The following C6 variants were observed in gnomAD, a reference collection of about 807,000 sequenced individuals.
C6 encodes complement component C6.
Under a neutral mutation model 112.9 loss-of-function variants are expected in C6, and 101 were observed. The observed-to-expected ratio is 0.89, with a 90% CI of 0.76 to 1.06. C6 has a LOEUF of 1.06. Ranked by LOEUF, C6 falls within the 50% of genes least tolerant of loss-of-function variation. C6 has a pLI of 0.00. For synonymous variants in C6, 431 were observed against 384.1 expected, an observed-to-expected ratio of 1.12 and a Z score of -1.43; for missense variants, 1,202 against 1,104.6, an observed-to-expected ratio of 1.09 and a Z score of -1.25.
chr5:41,180,865 G>A (rs1257727629), intron 7 of C6, among the ~76,000 whole-genome samples: 1 of 150,606 alleles, frequency 6.6e-6, no homozygotes, highest in African/African-American at 2.4e-5. Flanking sequence ...ATGAGAACAG[G>A]GATCTCAAGA....
At chr5:41,247,892 A>T (rs1381782249) in intron 1 of C6, among the ~76,000 whole-genome samples, 1 of 152,170 alleles carries the variant, frequency 6.6e-6, no homozygotes, top group Non-Finnish European at 1.5e-5. Flanking sequence ...AAGCAAAAAA[A>T]ACAAAGCTGG....
At chr5:41,176,974 A>G (rs1748912936) in intron 7 of C6, among the ~76,000 whole-genome samples, 1 of 152,256 alleles carries the variant, frequency 6.6e-6, no homozygotes. Flanking sequence ...CTAAGAAAGA[A>G]GAAATCAGTG....
At chr5:41,214,856 T>C (rs1183102303), upstream of C6, among the ~76,000 whole-genome samples, 1 of 152,068 alleles carries the variant, frequency 6.6e-6, no homozygotes, top group East Asian at 1.9e-4. Context: ...TTATTTGTAA[T>C]GTGGGCTATG....
At chr5:41,229,577 C>CT (rs561780962) in intron 1 of C6, among the ~76,000 whole-genome samples, 4 of 151,718 alleles carry the variant, frequency 2.6e-5, no homozygotes, top group Admixed American at 6.6e-5. Flanking sequence ...TGTGGTAAGA[C>CT]TTTTTTTTGT....
chr5:41,207,888 T>A lies in C6; in HGVS notation c.-20-4638A>T, dbSNP rs1751567657. ...CTGCACCAAGCGGACCTAATAGACATCTCCAGAACTCTCCACCCCAAATCA... is the reference window on the plus strand; with the variant it reads ...CTGCACCAAGCGGACCTAATAGACAACTCCAGAACTCTCCACCCCAAATCA... On this transcript the variant is annotated intron_variant, in intron 1 of 17. Transcript: ENST00000337836. 1.3e-5 allele frequency among the ~76,000 whole-genome samples: 2 copies of A among 152,208 alleles called. 1 individual carries two copies. The highest frequency in any genetic ancestry group is 6.8e-3 in the Middle Eastern group (2 of 294).
intron 13 of C6, among the ~76,000 whole-genome samples, chr5:41,155,925 G>A (rs1199419015): frequency 6.6e-6 from 1 of 151,992 alleles, no homozygotes; most frequent in Non-Finnish European, 1.5e-5. Context: ...TATTATGACT[G>A]AGTGCAGATC....
Position 41,201,724 on chromosome 5 carries a change from TG to T in C6, c.144-11del. 1 of 1,612,662 alleles carries T rather than the reference TG, an allele frequency of 6.2e-7. No homozygotes were observed. The highest frequency in any genetic ancestry group is 8.5e-7 in the Non-Finnish European group (1 of 1,178,996). On this transcript the variant is annotated splice_polypyrimidine_tract_variant and intron_variant, in intron 2 of 17. Transcript: ENST00000337836. ...ATCTACTACTATTTGTCTGTAACCA[TG>T]AAGAAGAAGTTGCTTAGAATGAGTG...
intron 1 of C6, among the ~76,000 whole-genome samples, chr5:41,229,435 T>G (rs942377935): frequency 1.3e-5 from 2 of 152,088 alleles, no homozygotes; most frequent in Admixed American, 1.3e-4. Flanking sequence ...TTCTTTGACC[T>G]GTCAGTTGTT....
In C6 at chr5:41,235,410, C is replaced by G. The variant is rs943906701; in HGVS notation, c.-21+25784G>C. On this transcript the variant is annotated intron_variant, in intron 1 of 17. Transcript: ENST00000263413. ...GTCCCTACAAAGGACATGAACTCAT[C>G]AATTTTTATGGCTGCATAGTATTCC... Among the ~76,000 whole-genome samples the G allele has an allele frequency of 4.8e-5, 7 of 146,418 alleles. No homozygotes were observed. In the South Asian group the frequency reaches 1.1e-3, roughly 23 times the overall value.
At chr5:41,225,653 A>G (rs1462108080) in intron 1 of C6, among the ~76,000 whole-genome samples, 1 of 152,192 alleles carries the variant, frequency 6.6e-6, no homozygotes, top group Non-Finnish European at 1.5e-5. Flanking sequence ...ACTGACTTCC[A>G]CAATGGTTGA....
Position 41,181,368 on chromosome 5 carries a change from A to T in C6, c.918T>A (p.Ser306=). ...NSAFKQAIQA[S]HKKDSSFIRI... ...AAACCATTTTTGATACCTTTTTGTGAGAGGCTTGAATGGCTTGTTTGAAGG... is the reference window on the plus strand; with the variant it reads ...AAACCATTTTTGATACCTTTTTGTGTGAGGCTTGAATGGCTTGTTTGAAGG... The change falls in exon 7 of 18, where the codon TCT becomes TCA. Residue 306 remains serine, a synonymous_variant. Coordinates refer to ENST00000337836, the MANE Select transcript of C6 (RefSeq NM_000065.5). 1.9e-6 allele frequency: 3 copies of T among 1,613,588 alleles called. No homozygotes were observed. Among genetic ancestry groups the T allele is most frequent in the Non-Finnish European group, 2.5e-6 (3 of 1,179,690 alleles).
chr5:41,168,154 G>A (rs377650013), intron 9 of C6, among the ~76,000 whole-genome samples: 20 of 152,248 alleles, frequency 1.3e-4, no homozygotes, highest in African/African-American at 4.8e-4. Flanking sequence ...CAAGAGCAGA[G>A]CTTTCAATAA....
At chr5:41,200,891 G>GTTGTTTTT (rs1447605950) in intron 3 of C6, among the ~76,000 whole-genome samples, 7 of 70,670 alleles carry the variant, frequency 9.9e-5, no homozygotes, top group Admixed American at 3.5e-4. Context: ...TGTTGTTGTT[G>GTTGTTTTT]TTTTTTTTTT....
intron 13 of C6, among the ~76,000 whole-genome samples, chr5:41,155,702 G>A (rs570086648): frequency 3.4e-4 from 51 of 151,628 alleles, no homozygotes; most frequent in Admixed American, 1.2e-3. Context: ...GTACTTCAGC[G>A]TGGGCAACAG....
At position 41,208,718 on chromosome 5, in the gene C6, G is replaced by A. The variant is rs191531363; in HGVS notation, c.-21+4658C>T. The stretch of plus-strand genomic sequence containing the variant: ...AACCAATAACAGGCTCTGAAATTGA[G>A]GCAATAATTAATAGCTTACCAACCA... On this transcript the variant is annotated intron_variant, in intron 1 of 17. Coordinates refer to ENST00000337836, the MANE Select transcript of C6 (RefSeq NM_000065.5). 4.7e-3 allele frequency among the ~76,000 whole-genome samples: 722 copies of A among 152,208 alleles called. 10 individuals carry two copies. Among genetic ancestry groups the A allele is most frequent in the African/African-American group, 0.017 (695 of 41,518 alleles).
At chr5:41,169,633 C>G (rs1748264663) in intron 9 of C6, among the ~76,000 whole-genome samples, 1 of 152,058 alleles carries the variant, frequency 6.6e-6, no homozygotes. Context: ...GGGAAACTTG[C>G]AATCATGGCA....
At chr5:41,147,113 T>C (rs1022651752) in intron 17 of C6, among the ~76,000 whole-genome samples, 1 of 152,176 alleles carries the variant, frequency 6.6e-6, no homozygotes, top group Non-Finnish European at 1.5e-5. Flanking sequence ...GACAATAATG[T>C]TCTTATACTA....
At chr5:41,226,596 C>T (rs896467693) in intron 1 of C6, among the ~76,000 whole-genome samples, 3 of 152,128 alleles carry the variant, frequency 2.0e-5, no homozygotes, top group African/African-American at 7.2e-5. Flanking sequence ...TGAACAACAT[C>T]TCCCCCATTC....
chr5:41,243,282 A>G (rs1234936360), intron 1 of C6, among the ~76,000 whole-genome samples: 1 of 152,176 alleles, frequency 6.6e-6, no homozygotes, highest in East Asian at 1.9e-4. Context: ...CATTTATACC[A>G]TTATAAATTA....
Sources: gnomAD v4.1 joint callset for allele counts (sites outside exome capture counted in the v4.1 genomes callset) on GRCh38, gnomAD v4.1.1 for gene constraint, MANE v1.5 for transcripts, NCBI Gene and HGNC (gene_info 2026-07-23, HGNC 2026-07-21) for gene names.